CFAP210: variants seen among roughly 807,000 people sequenced by gnomAD.
CFAP210 encodes the protein cilia- and flagella- associated protein 210.
chr2:169,648,667 T>A, the CFAP210 span, among the ~76,000 whole-genome samples: 5 of 152,252 alleles, frequency 3.3e-5, no homozygotes, highest in South Asian at 1.0e-3. Context: ...TAGTTAAAAT[T>A]AAGGGATGAC....
the CFAP210 span, among the ~76,000 whole-genome samples, chr2:169,684,604 A>C: frequency 6.6e-6 from 1 of 152,156 alleles, no homozygotes; most frequent in Non-Finnish European, 1.5e-5. Context: ...AATGTTTTCA[A>C]GGTTCATTCA....
chr2:169,682,270 C>G, the CFAP210 span, among the ~76,000 whole-genome samples: 1 of 152,046 alleles, frequency 6.6e-6, no homozygotes, highest in East Asian at 1.9e-4. Flanking sequence ...GACTCAATCT[C>G]CTAGAGAGCC....
At chr2:169,654,655 T>C in the CFAP210 span, among the ~76,000 whole-genome samples, 1 of 152,178 alleles carries the variant, frequency 6.6e-6, no homozygotes, top group Non-Finnish European at 1.5e-5. Context: ...TAACAGTAGT[T>C]ATCCCTGGGG....
At chr2:169,685,968 C>G in the CFAP210 span, among the ~76,000 whole-genome samples, 1 of 152,158 alleles carries the variant, frequency 6.6e-6, no homozygotes. Context: ...ATCTATATGT[C>G]TTTCCTTAAG....
the CFAP210 span, chr2:169,694,244 A>G: frequency 1.2e-6 from 2 of 1,613,472 alleles, no homozygotes; most frequent in Non-Finnish European, 1.7e-6. Context: ...GTCCCTGGAT[A>G]GGTCAGTTTA....
At chr2:169,688,061 G>C in the CFAP210 span, among the ~76,000 whole-genome samples, 1 of 152,200 alleles carries the variant, frequency 6.6e-6, no homozygotes, top group African/African-American at 2.4e-5. Flanking sequence ...GCCATGGCTG[G>C]AGCAGCTGGG....
the CFAP210 span, among the ~76,000 whole-genome samples, chr2:169,659,907 A>G: frequency 2.0e-5 from 3 of 152,138 alleles, no homozygotes; most frequent in Non-Finnish European, 2.9e-5. Context: ...GAACTTATCC[A>G]TGTATTCTTG....
chr2:169,662,291 T>C, the CFAP210 span: 1 of 1,596,680 alleles, frequency 6.3e-7, no homozygotes, highest in Admixed American at 1.8e-5. Flanking sequence ...AGAAACCGTC[T>C]CCTGCTTTCA....
the CFAP210 span, among the ~76,000 whole-genome samples, chr2:169,688,114 C>T: frequency 9.2e-5 from 14 of 152,310 alleles, no homozygotes; most frequent in Non-Finnish European, 5.9e-5. Flanking sequence ...GCACAGGGAC[C>T]CTGGTCCTGG....
the CFAP210 span, among the ~76,000 whole-genome samples, chr2:169,661,939 C>G: frequency 1.3e-5 from 2 of 152,084 alleles, no homozygotes; most frequent in African/African-American, 2.4e-5. Flanking sequence ...CTATCAGAAG[C>G]TGGTAAGGAT....
chr2:169,654,227 A>T, the CFAP210 span: 1 of 1,552,090 alleles, frequency 6.4e-7, no homozygotes, highest in South Asian at 1.2e-5. Context: ...TGGGGGAAAA[A>T]TTGTATATAT....
the CFAP210 span, among the ~76,000 whole-genome samples, chr2:169,689,761 T>C: frequency 6.6e-6 from 1 of 152,256 alleles, no homozygotes; most frequent in Non-Finnish European, 1.5e-5. Context: ...TTCATCAGGT[T>C]AAGAAAATTC....
chr2:169,674,775 A>C, the CFAP210 span: 7 of 1,546,962 alleles, frequency 4.5e-6, no homozygotes, highest in Admixed American at 1.6e-4. Context: ...CCCGACTACA[A>C]AAGAAAAATT....
chr2:169,681,168 G>A, the CFAP210 span: 7 of 1,613,894 alleles, frequency 4.3e-6, no homozygotes, highest in Non-Finnish European at 2.5e-6. Context: ...GTGACCTGCT[G>A]GAGATCTACT....
the CFAP210 span, chr2:169,654,031 A>G: frequency 6.6e-7 from 1 of 1,518,958 alleles, no homozygotes; most frequent in Non-Finnish European, 8.9e-7. Flanking sequence ...TAAAATCATA[A>G]TAATTTCAGA....
the CFAP210 span, among the ~76,000 whole-genome samples, chr2:169,655,590 C>CTT: frequency 8.7e-6 from 1 of 114,668 alleles, no homozygotes. Flanking sequence ...TTCACAAAGA[C>CTT]TTTTTATAAT....
chr2:169,678,432 T>G, the CFAP210 span, among the ~76,000 whole-genome samples: 1 of 151,874 alleles, frequency 6.6e-6, no homozygotes, highest in Non-Finnish European at 1.5e-5. Context: ...AGATTCAATA[T>G]TGTCATAATG....
At chr2:169,680,899 T>A in the CFAP210 span, 1 of 866,330 alleles carries the variant, frequency 1.2e-6, no homozygotes, top group Non-Finnish European at 1.8e-6. Flanking sequence ...TTCGATGCAT[T>A]TTTATGAAAT....
the CFAP210 span, among the ~76,000 whole-genome samples, chr2:169,689,712 T>C: frequency 2.6e-5 from 4 of 152,340 alleles, no homozygotes; most frequent in East Asian, 5.8e-4. Flanking sequence ...TCTATCACCA[T>C]TAACTATGAT....
Sources: gnomAD v4.1 joint callset for allele counts (sites outside exome capture counted in the v4.1 genomes callset) on GRCh38, gnomAD v4.1.1 for gene constraint, MANE v1.5 for transcripts, NCBI Gene and HGNC (gene_info 2026-07-23, HGNC 2026-07-21) for gene names.